CHL1: variants seen among roughly 807,000 people sequenced by gnomAD.
The protein encoded by CHL1 is cell adhesion molecule L1 like, also known as neural cell adhesion molecule L1-like protein.
Under a neutral mutation model 141.9 loss-of-function variants are expected in CHL1, and 96 were observed. The ratio of observed to expected loss-of-function variants is 0.68; its 90% CI spans 0.57 to 0.80. CHL1 has a LOEUF of 0.80. Among genes scored for constraint, CHL1 ranks in the 30% least tolerant of loss-of-function variants. The probability of loss-of-function intolerance (pLI) is 0.00; values close to 1 mark genes in which losing one functional copy is unlikely to be tolerated. For synonymous variants in CHL1, 613 were observed against 502.2 expected, an observed-to-expected ratio of 1.22 and a Z score of -2.95; for missense variants, 1,820 against 1,457.2, an observed-to-expected ratio of 1.25 and a Z score of -4.05.
Position 207,874 on chromosome 3 carries a change from A to T in CHL1, c.-175+10811A>T, listed in dbSNP as rs183319323. ...GCTGAATAGATTTTGAACACAATTG[A>T]TTTGCTTGAAATAACATTAAAGGAC... On this transcript the variant is annotated intron_variant, in intron 1 of 27. Coordinates refer to ENST00000256509, the MANE Select transcript of CHL1 (RefSeq NM_006614.4). Among the ~76,000 whole-genome samples, 79 of 152,288 alleles carry T rather than the reference A, an allele frequency of 5.2e-4. 1 individual carries two copies. The highest frequency in any genetic ancestry group is 1.9e-3 in the African/African-American group (77 of 41,556).
chr3:319,233 TAAG>T (rs886266805), intron 2 of CHL1, among the ~76,000 whole-genome samples: 1 of 130,132 alleles, frequency 7.7e-6, no homozygotes, highest in Non-Finnish European at 1.7e-5. Flanking sequence ...TGGGGGAGGG[TAAG>T]AAGGAGTGAG....
Position 360,240 on chromosome 3 carries a change from A to C in CHL1, c.1166-44A>C, listed in dbSNP as rs748990413. 3 of 1,603,674 alleles carry C rather than the reference A, an allele frequency of 1.9e-6. No homozygotes were observed. The Admixed American group carries it at 5.0e-5, about 27-fold the overall frequency. On this transcript the variant is annotated intron_variant, in intron 11 of 27. Transcript: ENST00000256509. ...TTAATAAATGGTGTATAAATATTTT[A>C]TGTCCTGTTCCTTATCAAACTGACA...
intron 2 of CHL1, among the ~76,000 whole-genome samples, chr3:296,499 A>G (rs1698199099): frequency 2.0e-5 from 3 of 152,106 alleles, no homozygotes; most frequent in African/African-American, 7.2e-5. Flanking sequence ...TGAATTTAGA[A>G]CCACGGTCGT....
chr3:344,035 T>C (rs921084467), intron 8 of CHL1, among the ~76,000 whole-genome samples: 2 of 152,180 alleles, frequency 1.3e-5, no homozygotes, highest in Non-Finnish European at 2.9e-5. Context: ...TGAGGATGCT[T>C]ACTAGTCATT....
At chr3:345,466 A>ATTT (rs59294936) in intron 9 of CHL1, among the ~76,000 whole-genome samples, 14,225 of 89,572 alleles carry the variant, frequency 0.16, 888 homozygotes, top group South Asian at 0.23. Flanking sequence ...TTATTTATTT[A>ATTT]ATTATTTATT....
At chr3:254,325 G>A (rs566731492) in intron 2 of CHL1, among the ~76,000 whole-genome samples, 6 of 152,222 alleles carry the variant, frequency 3.9e-5, no homozygotes, top group East Asian at 1.9e-4. Context: ...TTCTTCCCAG[G>A]GAAACCAACC....
chr3:345,565 C>A (rs1351352484), intron 9 of CHL1, among the ~76,000 whole-genome samples: 2 of 151,996 alleles, frequency 1.3e-5, no homozygotes, highest in African/African-American at 4.8e-5. Flanking sequence ...CTCACTGCAA[C>A]CTCTGCCTCC....
rs1049204257 is a variant in CHL1, at chr3:363,659, A to G, written c.1585+276A>G. The G allele has an allele frequency of 6.7e-5, 17 of 251,874 alleles. No homozygotes were observed. In the East Asian group the frequency reaches 8.5e-4, roughly 13 times the overall value. The allele number at this position is 251,874 out of a possible 1,614,324, so 15.6% of individuals were successfully genotyped here. On this transcript the variant is annotated intron_variant, in intron 14 of 27. Transcript: ENST00000256509. ...TATTTAAAAATTACCTATTAACCAT[A>G]CTACACCATATTTCTGTAACTATAT...
At chr3:239,592 TATAAA>T (rs1350272779) in intron 1 of CHL1, among the ~76,000 whole-genome samples, 3 of 98,554 alleles carry the variant, frequency 3.0e-5, no homozygotes, top group Non-Finnish European at 7.6e-5. Flanking sequence ...ACAGTATATA[TATAAA>T]ATATATATAT....
At chr3:298,876 A>G (rs746060932) in intron 2 of CHL1, among the ~76,000 whole-genome samples, 4 of 152,242 alleles carry the variant, frequency 2.6e-5, no homozygotes, top group Non-Finnish European at 5.9e-5. Context: ...AACACCAGAG[A>G]TAATGTGCCT....
intron 1 of CHL1, among the ~76,000 whole-genome samples, chr3:240,215 T>G (rs1692418203): frequency 6.6e-6 from 1 of 152,204 alleles, no homozygotes; most frequent in East Asian, 1.9e-4. Flanking sequence ...TCACCAGCAG[T>G]GTAGAAGTGC....
At chr3:361,259 A>G (rs1704218739) in intron 12 of CHL1, among the ~76,000 whole-genome samples, 1 of 150,384 alleles carries the variant, frequency 6.6e-6, no homozygotes, top group Admixed American at 6.7e-5. Context: ...ACCTAAAACC[A>G]TAAAAACCCT....
intron 2 of CHL1, among the ~76,000 whole-genome samples, chr3:264,921 A>G (rs1009858830): frequency 1.3e-5 from 2 of 152,194 alleles, no homozygotes; most frequent in African/African-American, 4.8e-5. Context: ...TATTTTGAAC[A>G]CTAGGAAAGA....
chr3:234,339 C>T (rs1574801091), intron 1 of CHL1, among the ~76,000 whole-genome samples: 1 of 151,982 alleles, frequency 6.6e-6, no homozygotes, highest in Non-Finnish European at 1.5e-5. Context: ...TCCTACAAAT[C>T]CTTTCCAACC....
intron 2 of CHL1, among the ~76,000 whole-genome samples, chr3:287,209 A>T (rs1173047809): frequency 6.6e-6 from 1 of 151,858 alleles, no homozygotes; most frequent in South Asian, 2.1e-4. Flanking sequence ...TTAAAATGTC[A>T]TATATTATAT....
chr3:337,886 C>T (rs1265130343), intron 5 of CHL1, among the ~76,000 whole-genome samples: 3 of 152,050 alleles, frequency 2.0e-5, no homozygotes, highest in African/African-American at 7.2e-5. Flanking sequence ...GGGTATATAC[C>T]CAGTAATGGG....
At chr3:246,307 C>A (rs1259987245) in intron 2 of CHL1, among the ~76,000 whole-genome samples, 2 of 152,020 alleles carry the variant, frequency 1.3e-5, no homozygotes, top group Admixed American at 6.6e-5. Flanking sequence ...GATGGTAACC[C>A]GCAAAACACC....
At chr3:331,818 G>A (rs997457504) in intron 5 of CHL1, among the ~76,000 whole-genome samples, 2 of 152,192 alleles carry the variant, frequency 1.3e-5, no homozygotes, top group Non-Finnish European at 2.9e-5. Context: ...CAATAAAAAT[G>A]TGAAAATGTG....
intron 2 of CHL1, among the ~76,000 whole-genome samples, chr3:306,480 C>A (rs554346063): frequency 1.3e-5 from 2 of 152,104 alleles, no homozygotes; most frequent in African/African-American, 2.4e-5. Context: ...TGATTATGCC[C>A]CAAATCTCTC....
Sources: allele counts gnomAD v4.1 joint callset (sites outside exome capture counted in the v4.1 genomes callset), GRCh38; gene constraint gnomAD v4.1.1; transcripts MANE v1.5; gene names NCBI Gene and HGNC (gene_info 2026-07-23, HGNC 2026-07-21).